Variants in BEND6 observed in about 807,000 individuals in gnomAD.
BEND6 encodes BEN domain containing 6.
Under a neutral mutation model 31.8 loss-of-function variants are expected in BEND6, and 24 were observed. The ratio of observed to expected loss-of-function variants is 0.75; its 90% CI spans 0.55 to 1.06. The LOEUF (loss-of-function observed/expected upper bound fraction) is 1.06, where lower values mean the gene tolerates loss of function less well. Ranked by LOEUF, BEND6 falls within the 50% of genes least tolerant of loss-of-function variation. The pLI is 0.00. For missense variants in BEND6, 294 were observed against 327.4 expected, an observed-to-expected ratio of 0.90 and a Z score of 0.79; for synonymous variants, 109 against 114.6, an observed-to-expected ratio of 0.95 and a Z score of 0.31.
At chr6:57,002,243 G>A (rs1236170730) in intron 3 of BEND6, among the ~76,000 whole-genome samples, 1 of 152,154 alleles carries the variant, frequency 6.6e-6, no homozygotes, top group Non-Finnish European at 1.5e-5. Flanking sequence ...AGAAGACTTA[G>A]ACAGCCATAC....
At chr6:56,988,238 G>A (rs752903554) in intron 2 of BEND6, among the ~76,000 whole-genome samples, 17 of 151,800 alleles carry the variant, frequency 1.1e-4, no homozygotes, top group Non-Finnish European at 2.2e-4. Context: ...GGATGGTCTC[G>A]ATTTCCTGAC....
intron 1 of BEND6, among the ~76,000 whole-genome samples, chr6:56,972,209 C>T (rs1825716397): frequency 6.7e-6 from 1 of 149,322 alleles, no homozygotes; most frequent in South Asian, 2.2e-4. Context: ...ATTCTCCTGC[C>T]TCAGCTTGCT....
At chr6:56,966,849 C>T (rs28360536) in intron 1 of BEND6, among the ~76,000 whole-genome samples, 19,512 of 152,072 alleles carry the variant, frequency 0.13, 1,466 homozygotes, top group Middle Eastern at 0.2. Context: ...GCCAGTGATA[C>T]CAGCAATACT....
At chr6:56,997,841 C>T (rs757230040) in intron 3 of BEND6, among the ~76,000 whole-genome samples, 5 of 152,100 alleles carry the variant, frequency 3.3e-5, no homozygotes, top group Non-Finnish European at 4.4e-5. Flanking sequence ...CATGAGCTAC[C>T]GCGCCTGGCC....
chr6:56,998,993 C>A (rs1297074782), intron 3 of BEND6, among the ~76,000 whole-genome samples: 2 of 152,232 alleles, frequency 1.3e-5, no homozygotes, highest in Non-Finnish European at 2.9e-5. Context: ...TTGCTGGGTT[C>A]ATCAGCCCAC....
chr6:56,985,823 T>C (rs1028998245), intron 2 of BEND6, among the ~76,000 whole-genome samples: 8 of 152,238 alleles, frequency 5.3e-5, no homozygotes, highest in Non-Finnish European at 8.8e-5. Context: ...GTTCTGTCAA[T>C]TCTTATTGAT....
chr6:56,972,000 C>G (rs950613448), intron 1 of BEND6, among the ~76,000 whole-genome samples: 5 of 150,810 alleles, frequency 3.3e-5, no homozygotes, highest in African/African-American at 1.2e-4. Flanking sequence ...TGCCTATGCC[C>G]TTTGGTATCA....
In BEND6 at chr6:57,015,172, G is replaced by C. The variant is rs1033998764; in HGVS notation, c.338G>C (p.Gly113Ala). The change falls in exon 4 of 7, where the codon GGT (glycine) becomes GCT (alanine). Residue 113 changes from glycine (G) to alanine (A), a missense_variant. Transcript: ENST00000370746. ...GTCACCCAGTTTGAAGAATTGGTTG[G>C]TATGGCCGAGGCTCTGCTTAAGGGT... ...QAVTQFEELV[G>A]MAEALLKGGG... The C allele has an allele frequency of 1.2e-6, 2 of 1,613,992 alleles. No individual in the cohort carries two copies. Among genetic ancestry groups the C allele is most frequent in the Non-Finnish European group, 1.7e-6 (2 of 1,180,028 alleles).
At chr6:57,023,433 A>G (rs535635860) in intron 6 of BEND6, among the ~76,000 whole-genome samples, 67 of 152,164 alleles carry the variant, frequency 4.4e-4, no homozygotes, top group African/African-American at 1.5e-3. Flanking sequence ...TGATATAACT[A>G]CTTCTGCTCT....
chr6:57,015,280 G>T lies in BEND6; in HGVS notation c.446G>T (p.Ser149Ile). 1 of 1,614,140 alleles carries T rather than the reference G, an allele frequency of 6.2e-7. No homozygotes were observed. The highest frequency in any genetic ancestry group is 8.5e-7 in the Non-Finnish European group (1 of 1,180,022). Residue 149 changes from serine (S) to isoleucine (I), a missense_variant, in exon 4 of 7, where the codon AGT (serine) becomes ATT (isoleucine). Transcript: ENST00000370746. Reference sequence around the variant, plus strand: ...CCAGATTCATTTGCCTCAACATGCAGTAATTCTAATTCTAACTCCAGTTCA... The same window carrying T: ...CCAGATTCATTTGCCTCAACATGCATTAATTCTAATTCTAACTCCAGTTCA... ...SSPDSFASTC[S>I]NSNSNSSSPV...
intron 1 of BEND6, among the ~76,000 whole-genome samples, chr6:56,969,219 A>G (rs1266049063): frequency 6.6e-6 from 1 of 152,242 alleles, no homozygotes; most frequent in Admixed American, 6.5e-5. Flanking sequence ...TTTGCTCAGC[A>G]GAGTGCTGTC....
At chr6:56,984,923 G>A (rs1826202573) in intron 2 of BEND6, among the ~76,000 whole-genome samples, 1 of 152,188 alleles carries the variant, frequency 6.6e-6, no homozygotes, top group South Asian at 2.1e-4. Context: ...AAAAGTAATT[G>A]GCTTTTTCAA....
At chr6:56,994,219 G>A (rs961854419) in intron 3 of BEND6, among the ~76,000 whole-genome samples, 3 of 151,830 alleles carry the variant, frequency 2.0e-5, no homozygotes, top group Non-Finnish European at 2.9e-5. Flanking sequence ...CAGCACTTTG[G>A]GAGGCCGAGG....
At chr6:56,973,424 A>C (rs571515604) in intron 1 of BEND6, among the ~76,000 whole-genome samples, 2 of 152,188 alleles carry the variant, frequency 1.3e-5, no homozygotes, top group African/African-American at 4.8e-5. Context: ...GGTTGTACCG[A>C]ACTCTATATA....
intron 1 of BEND6, among the ~76,000 whole-genome samples, chr6:56,961,209 G>A (rs1209010220): frequency 6.6e-6 from 1 of 152,142 alleles, no homozygotes. Flanking sequence ...ATCAACAATG[G>A]CAGCACCTGG....
chr6:57,010,608 A>G, intron 3 of BEND6: 1 of 820,080 alleles, frequency 1.2e-6, no homozygotes, highest in Non-Finnish European at 1.5e-6. Context: ...GGATCAGGGT[A>G]TAAGTGGATT....
intron 3 of BEND6, chr6:57,010,332 A>C (rs1055462036): frequency 6.6e-6 from 1 of 152,244 alleles, no homozygotes; most frequent in African/African-American, 2.4e-5. Flanking sequence ...GTTTATATGG[A>C]AGAGACAGCA....
intron 1 of BEND6, among the ~76,000 whole-genome samples, chr6:56,965,437 C>T (rs1004400473): frequency 4.6e-5 from 7 of 151,930 alleles, no homozygotes; most frequent in Non-Finnish European, 1.0e-4. Flanking sequence ...TTAGGCCAGG[C>T]ATGGTGGCTC....
chr6:56,985,822 A>G (rs554091702), intron 2 of BEND6, among the ~76,000 whole-genome samples: 1 of 152,138 alleles, frequency 6.6e-6, no homozygotes, highest in Non-Finnish European at 1.5e-5. Context: ...TGTTCTGTCA[A>G]TTCTTATTGA....
Sources: allele counts gnomAD v4.1 joint callset (sites outside exome capture counted in the v4.1 genomes callset), GRCh38; gene constraint gnomAD v4.1.1; transcripts MANE v1.5; gene names NCBI Gene and HGNC (gene_info 2026-07-23, HGNC 2026-07-21).